MAML3: variants seen among roughly 807,000 people sequenced by gnomAD.
MAML3 encodes the protein mastermind-like protein 3.
MAML3 carries 27 observed loss-of-function variants against 101.9 expected under a neutral mutation model. The ratio of observed to expected loss-of-function variants is 0.27; its 90% confidence interval spans 0.20 to 0.37. The LOEUF is 0.37. Among genes scored for constraint, MAML3 ranks in the 10% least tolerant of loss-of-function variants. The probability of loss-of-function intolerance (pLI) is 1.00; values close to 1 mark genes in which losing one functional copy is unlikely to be tolerated. For missense variants in MAML3, 1,316 were observed against 1,444.9 expected (o/e 0.91, Z 1.45); for synonymous variants, 501 against 555.9 (o/e 0.90, Z 1.39).
At chr4:139,792,078 A>G (rs1420307511) in intron 2 of MAML3, among the ~76,000 whole-genome samples, 1 of 152,244 alleles carries the variant, frequency 6.6e-6, no homozygotes, top group Non-Finnish European at 1.5e-5. Context: ...TGTTGCATTG[A>G]ACAAATCAAT....
chr4:139,849,822 C>T (rs1731515544), intron 2 of MAML3, among the ~76,000 whole-genome samples: 1 of 152,126 alleles, frequency 6.6e-6, no homozygotes, highest in Admixed American at 6.6e-5. Flanking sequence ...TGTAATGTTA[C>T]ATAAAATTCT....
rs542327270 is a variant in MAML3, at chr4:140,109,443, G to T, written c.468+43417C>A. Among the ~76,000 whole-genome samples the T allele has an allele frequency of 3.9e-5, 6 of 152,276 alleles. No homozygotes were observed. The South Asian group carries it at 1.2e-3, about 32-fold the overall frequency. ...ACTAGTTCCCTAGCCCCCAAGCAAA[G>T]CTTCTAGACCACACGGTGTCTCCTT... is the stretch of plus-strand genomic sequence containing the variant. On this transcript the variant is annotated intron_variant, in intron 1 of 4. Coordinates refer to ENST00000509479, the MANE Select transcript of MAML3 (RefSeq NM_018717.5).
chr4:139,982,714 G>A (rs1185162845), intron 1 of MAML3, among the ~76,000 whole-genome samples: 1 of 151,862 alleles, frequency 6.6e-6, no homozygotes. Context: ...TCTATATTAA[G>A]CTAAACAAGA....
chr4:139,805,394 A>G (rs1039926962), intron 2 of MAML3, among the ~76,000 whole-genome samples: 1 of 152,198 alleles, frequency 6.6e-6, no homozygotes, highest in African/African-American at 2.4e-5. Flanking sequence ...TTTAATTACT[A>G]ATGACTTCTG....
chr4:139,984,379 G>T (rs1243724419), intron 1 of MAML3, among the ~76,000 whole-genome samples: 2 of 152,146 alleles, frequency 1.3e-5, no homozygotes, highest in African/African-American at 4.8e-5. Flanking sequence ...AACTGTAAAT[G>T]GGGAGGAGTA....
intron 1 of MAML3, among the ~76,000 whole-genome samples, chr4:139,993,711 C>A (rs1734749159): frequency 6.6e-6 from 1 of 151,578 alleles, no homozygotes; most frequent in Admixed American, 6.6e-5. Context: ...ACCTGTAATC[C>A]CAGCTACTCA....
At position 139,839,469 on chromosome 4, in the gene MAML3, ATTT is replaced by A. The variant is rs5862438; in HGVS notation, c.2079+49885_2079+49887del. Among the ~76,000 whole-genome samples the A allele has an allele frequency of 2.0e-3, 288 of 146,212 alleles. 2 individuals are homozygous for A. The highest frequency in any genetic ancestry group is 7.0e-3 in the Middle Eastern group (2 of 284). On this transcript the variant is annotated intron_variant, in intron 2 of 4. Coordinates refer to ENST00000509479, the MANE Select transcript of MAML3 (RefSeq NM_018717.5). ...ACAGCACCCCATCCAAGTCCAACAG[ATTT>A]TTTTTTTTTTTTTAATGGAGGGTTC...
At chr4:140,095,142 C>T (rs111830476) in intron 1 of MAML3, among the ~76,000 whole-genome samples, 7 of 152,360 alleles carry the variant, frequency 4.6e-5, no homozygotes, top group African/African-American at 1.7e-4. Context: ...AGAGTACCTG[C>T]CCTTGGGGTG....
At chr4:139,786,843 G>A (rs1730311932) in intron 2 of MAML3, among the ~76,000 whole-genome samples, 1 of 152,146 alleles carries the variant, frequency 6.6e-6, no homozygotes. Context: ...GTTTCCACTG[G>A]AGAAAGACAG....
intron 1 of MAML3, among the ~76,000 whole-genome samples, chr4:140,092,899 A>T (rs995062909): frequency 6.6e-6 from 1 of 152,206 alleles, no homozygotes; most frequent in Non-Finnish European, 1.5e-5. Flanking sequence ...GTACCAAGTC[A>T]ATAATAAGGA....
At chr4:140,124,920 T>C (rs1028458874) in intron 1 of MAML3, among the ~76,000 whole-genome samples, 2 of 152,168 alleles carry the variant, frequency 1.3e-5, no homozygotes, top group African/African-American at 4.8e-5. Flanking sequence ...ACCCAGATGA[T>C]AGAGGCCCTA....
chr4:139,997,944 C>T (rs1436560484), intron 1 of MAML3, among the ~76,000 whole-genome samples: 1 of 152,012 alleles, frequency 6.6e-6, no homozygotes, highest in Non-Finnish European at 1.5e-5. Context: ...CCATTTTTCT[C>T]TTGGTGCTGT....
chr4:140,144,269 G>A lies in MAML3; in HGVS notation c.468+8591C>T, dbSNP rs13126262. Among the ~76,000 whole-genome samples, 1,408 of 152,154 alleles carry A rather than the reference G, an allele frequency of 9.3e-3. 26 individuals are homozygous for A. Among genetic ancestry groups the A allele is most frequent in the Non-Finnish European group, 0.01 (699 of 68,000 alleles). ...AGTTAATAATCAATGAATTAAGGCC[G>A]GGCTCAGTGGCTTATGCCTGTAATC... On this transcript the variant is annotated intron_variant, in intron 1 of 4. Transcript: ENST00000509479.
At chr4:139,955,704 G>A (rs971563690) in intron 1 of MAML3, among the ~76,000 whole-genome samples, 1 of 152,200 alleles carries the variant, frequency 6.6e-6, no homozygotes, top group Admixed American at 6.5e-5. Flanking sequence ...GCTCATGGTA[G>A]CTGGTTCTCC....
chr4:139,994,511 T>C (rs745500340), intron 1 of MAML3, among the ~76,000 whole-genome samples: 27 of 151,950 alleles, frequency 1.8e-4, no homozygotes, highest in Non-Finnish European at 3.4e-4. Context: ...AGAAGAAAAA[T>C]TGGTGGAGTA....
chr4:140,072,671 A>C (rs1265768379), intron 1 of MAML3, among the ~76,000 whole-genome samples: 1 of 56,048 alleles, frequency 1.8e-5, no homozygotes, highest in East Asian at 5.4e-4. Flanking sequence ...ACTCCGTCTC[A>C]AAAAAAAAAA....
chr4:139,746,383 A>G (rs1416586211), intron 2 of MAML3, among the ~76,000 whole-genome samples: 1 of 152,178 alleles, frequency 6.6e-6, no homozygotes, highest in South Asian at 2.1e-4. Context: ...AACATGTTTT[A>G]TATCACCAAC....
At chr4:139,806,242 T>C (rs1458099745) in intron 2 of MAML3, among the ~76,000 whole-genome samples, 10 of 152,078 alleles carry the variant, frequency 6.6e-5, no homozygotes, top group Admixed American at 6.5e-4. Flanking sequence ...TTGGCATAAA[T>C]GCAAATTTAT....
chr4:139,782,890 T>A (rs990720998), intron 2 of MAML3, among the ~76,000 whole-genome samples: 5 of 152,198 alleles, frequency 3.3e-5, no homozygotes, highest in African/African-American at 1.2e-4. Flanking sequence ...ATCTTTCAGA[T>A]GGAGATTTGC....
Sources: allele counts gnomAD v4.1 joint callset (sites outside exome capture counted in the v4.1 genomes callset), GRCh38; gene constraint gnomAD v4.1.1; transcripts MANE v1.5; gene names NCBI Gene and HGNC (gene_info 2026-07-23, HGNC 2026-07-21).